The following PRKCA variants were observed in gnomAD, a reference collection of about 807,000 sequenced individuals.
PRKCA encodes protein kinase C alpha type.
Under a neutral mutation model 87.0 loss-of-function variants are expected in PRKCA, and 27 were observed. The observed-to-expected ratio is 0.31, with a 90% CI of 0.23 to 0.43. The LOEUF (loss-of-function observed/expected upper bound fraction) is 0.43. Ranked by LOEUF, PRKCA falls within the 20% of genes least tolerant of loss-of-function variation. The probability of loss-of-function intolerance (pLI) is 1.00; values close to 1 mark genes in which losing one functional copy is unlikely to be tolerated. For missense variants in PRKCA, 518 were observed against 852.3 expected, an observed-to-expected ratio of 0.61 and a Z score of 4.88; for synonymous variants, 329 against 311.1, an observed-to-expected ratio of 1.06 and a Z score of -0.61.
chr17:66,779,499 A>C (rs61762783), intron 14 of PRKCA, among the ~76,000 whole-genome samples: 29,497 of 151,824 alleles, frequency 0.19, 3,085 homozygotes, highest in East Asian at 0.29. Context: ...ACTCCTACTG[A>C]ATCAGTAATC....
intron 16 of PRKCA, 37 bp downstream of exon 16, chr17:66,789,016 T>A (rs769416504): frequency 5.0e-6 from 8 of 1,612,914 alleles, no homozygotes; most frequent in Non-Finnish European, 6.8e-6. Flanking sequence ...CGGAACCCCA[T>A]GTCCCCAAAT....
chr17:66,784,108 G>A (rs1975316381), intron 14 of PRKCA, among the ~76,000 whole-genome samples: 2 of 152,196 alleles, frequency 1.3e-5, no homozygotes, highest in African/African-American at 2.4e-5. Context: ...ATGTGGTGAG[G>A]TGCCAGTCAG....
intron 3 of PRKCA, among the ~76,000 whole-genome samples, chr17:66,610,441 G>A (rs866464474): frequency 4.6e-5 from 7 of 152,104 alleles, no homozygotes; most frequent in Non-Finnish European, 8.8e-5. Context: ...GAGCAGTAGA[G>A]CTAAAAGTTT....
intron 2 of PRKCA, among the ~76,000 whole-genome samples, chr17:66,331,810 A>G (rs1412868353): frequency 1.3e-5 from 2 of 152,206 alleles, no homozygotes; most frequent in African/African-American, 2.4e-5. Context: ...TCTCTGCCCC[A>G]TCTGTATTAT....
At chr17:66,342,052 C>G (rs1359689694) in intron 2 of PRKCA, among the ~76,000 whole-genome samples, 1 of 152,212 alleles carries the variant, frequency 6.6e-6, no homozygotes, top group African/African-American at 2.4e-5. Context: ...CTGCTGCACA[C>G]AGACACCAAG....
chr17:66,649,662 CAATT>C (rs891085325), intron 5 of PRKCA, among the ~76,000 whole-genome samples: 8 of 152,290 alleles, frequency 5.3e-5, no homozygotes, highest in East Asian at 1.9e-4. Context: ...TTGGAACAAA[CAATT>C]AACCCATAAA....
At chr17:66,443,815 C>T (rs1288174962) in intron 2 of PRKCA, among the ~76,000 whole-genome samples, 2 of 152,130 alleles carry the variant, frequency 1.3e-5, no homozygotes, top group Non-Finnish European at 2.9e-5. Flanking sequence ...AGAATGTTCT[C>T]TGCTTGCAGA....
chr17:66,722,622 A>G (rs1973643226), intron 8 of PRKCA, among the ~76,000 whole-genome samples: 2 of 152,240 alleles, frequency 1.3e-5, no homozygotes, highest in Admixed American at 6.5e-5. Context: ...TCAAGAATGT[A>G]TCTGTGGTAT....
At chr17:66,719,237 G>A (rs1481414668) in intron 8 of PRKCA, among the ~76,000 whole-genome samples, 3 of 152,264 alleles carry the variant, frequency 2.0e-5, no homozygotes, top group South Asian at 2.1e-4. Context: ...CAGTAGAGCC[G>A]TGTAGTAGGA....
At position 66,804,926 on chromosome 17, in the gene PRKCA, C is replaced by T. The variant is rs568930861; in HGVS notation, c.*889C>T. 1 of 923,878 alleles carries T rather than the reference C, an allele frequency of 1.1e-6. No homozygotes were observed. Among genetic ancestry groups the T allele is most frequent in the African/African-American group, 1.8e-5 (1 of 55,758 alleles). 57.2% of individuals were successfully genotyped at this position (923,878 alleles called of 1,614,324 possible). The stretch of plus-strand genomic sequence containing the variant: ...TCACCAACACCCACCCCCACACACA[C>T]CAACATTTTGCTGCCTACCTTGTTA... On this transcript the variant is annotated 3_prime_UTR_variant, in exon 17 of 17. Transcript: ENST00000413366.
intron 16 of PRKCA, among the ~76,000 whole-genome samples, chr17:66,789,922 C>G (rs568028499): frequency 6.6e-6 from 1 of 152,246 alleles, no homozygotes; most frequent in African/African-American, 2.4e-5. Context: ...GCAGAGCCTC[C>G]AAGGGCGTCC....
At chr17:66,365,434 A>G (rs889589269) in intron 2 of PRKCA, among the ~76,000 whole-genome samples, 2 of 152,124 alleles carry the variant, frequency 1.3e-5, no homozygotes, top group Admixed American at 1.3e-4. Flanking sequence ...TAGGTACATG[A>G]TCTCATTTAA....
intron 3 of PRKCA, among the ~76,000 whole-genome samples, chr17:66,587,722 TATGTATA>T (rs1567916877): frequency 0.056 from 6,498 of 115,124 alleles, 740 homozygotes; most frequent in Non-Finnish European, 0.072. Context: ...TATGTGTGTA[TATGTATA>T]CATATATACG....
At chr17:66,476,178 G>T (rs1915528120) in intron 2 of PRKCA, among the ~76,000 whole-genome samples, 1 of 152,178 alleles carries the variant, frequency 6.6e-6, no homozygotes, top group Non-Finnish European at 1.5e-5. Flanking sequence ...GGGATTACAG[G>T]TGTGAGTCAC....
At chr17:66,558,982 G>T (rs1968595217) in intron 3 of PRKCA, among the ~76,000 whole-genome samples, 1 of 152,144 alleles carries the variant, frequency 6.6e-6, no homozygotes, top group African/African-American at 2.4e-5. Context: ...AATAGTGCTG[G>T]TAAGAACTGA....
chr17:66,390,696 G>A (rs914426088), intron 2 of PRKCA, among the ~76,000 whole-genome samples: 2 of 152,210 alleles, frequency 1.3e-5, no homozygotes, highest in East Asian at 1.9e-4. Context: ...CCCCTGGGGT[G>A]CACAAAAGGA....
intron 2 of PRKCA, among the ~76,000 whole-genome samples, chr17:66,437,731 T>TTTTTTTTTTTTTTTTTGG (rs55779501): frequency 9.0e-5 from 1 of 11,142 alleles, no homozygotes; most frequent in Non-Finnish European, 1.6e-4. Flanking sequence ...TTTTTTTTTT[T>TTTTTTTTTTTTTTTTTGG]GAGCGGGGGG....
intron 8 of PRKCA, among the ~76,000 whole-genome samples, chr17:66,711,002 C>A (rs894682977): frequency 1.7e-4 from 26 of 151,990 alleles, no homozygotes; most frequent in Non-Finnish European, 3.5e-4. Context: ...GAGATCGCAC[C>A]ATTGCACTCC....
chr17:66,486,845 G>A (rs891260812), intron 2 of PRKCA, among the ~76,000 whole-genome samples: 2 of 151,636 alleles, frequency 1.3e-5, no homozygotes, highest in Admixed American at 1.3e-4. Context: ...ATATTTTGGG[G>A]GTACATCTGA....
Sources: allele counts gnomAD v4.1 joint callset (sites outside exome capture counted in the v4.1 genomes callset), GRCh38; gene constraint gnomAD v4.1.1; transcripts MANE v1.5; gene names NCBI Gene and HGNC (gene_info 2026-07-23, HGNC 2026-07-21).